Variants in MTNR1B observed in about 807,000 individuals in gnomAD.
The protein encoded by MTNR1B is melatonin receptor 1B.
A neutral mutation model predicts 7.0 loss-of-function variants in MTNR1B; 7 were observed. The observed-to-expected ratio is 1.00, with a 90% CI of 0.57 to 1.88. MTNR1B has a LOEUF of 1.88. Ranked by LOEUF, MTNR1B falls within the 40% of genes most tolerant of loss-of-function variation. The probability of loss-of-function intolerance (pLI) is 0.00; values close to 1 mark genes in which losing one functional copy is unlikely to be tolerated. For missense variants in MTNR1B, 478 were observed against 486.5 expected (o/e 0.98, Z 0.16); for synonymous variants, 226 against 208.2 (o/e 1.09, Z -0.74).
Position 92,982,159 on chromosome 11 carries a change from C to T in MTNR1B, c.936C>T (p.Asn312=), listed in dbSNP as rs772999415. The change falls in exon 2 of 2, where the codon AAC becomes AAT. Residue 312 remains asparagine (N), a synonymous_variant. Transcript: ENST00000257068. ...CLNAIVYGLL[N]QNFRREYKRI... ...ATGCCATTGTCTATGGGCTCTTGAACCAAAACTTCCGCAGGGAATACAAGA... is the reference window on the plus strand; with the variant it reads ...ATGCCATTGTCTATGGGCTCTTGAATCAAAACTTCCGCAGGGAATACAAGA... 5.0e-6 allele frequency: 8 copies of T among 1,614,088 alleles called. No homozygotes were observed. The highest frequency in any genetic ancestry group is 2.2e-5 in the South Asian group (2 of 91,088).
chr11:92,979,772 A>G (rs1381758258), intron 1 of MTNR1B, among the ~76,000 whole-genome samples: 2 of 152,178 alleles, frequency 1.3e-5, no homozygotes, highest in African/African-American at 4.8e-5. Context: ...CATTCCTCTG[A>G]GGTCAAAATA....
chr11:92,981,000 G>A (rs977905552), intron 1 of MTNR1B, among the ~76,000 whole-genome samples: 5 of 152,196 alleles, frequency 3.3e-5, no homozygotes, highest in Non-Finnish European at 7.4e-5. Flanking sequence ...TGTGCGAGGA[G>A]GTGAGGGAAT....
At chr11:92,981,423 C>T (rs1282097904) in intron 1 of MTNR1B, 24 bp from the exon 2 acceptor site, 3 of 1,603,280 alleles carry the variant, frequency 1.9e-6, no homozygotes, top group African/African-American at 1.3e-5. Context: ...CTCGTGCTGA[C>T]TGTTGCTCTG....
chr11:92,972,838 C>T (rs1857953813), intron 1 of MTNR1B, among the ~76,000 whole-genome samples: 1 of 152,180 alleles, frequency 6.6e-6, no homozygotes, highest in Non-Finnish European at 1.5e-5. Context: ...TGGAAACTTC[C>T]TCCATGTTAC....
chr11:92,981,321 C>A, intron 1 of MTNR1B, 126 bp from the exon 2 acceptor site: 1 of 1,324,642 alleles, frequency 7.5e-7, no homozygotes, highest in Non-Finnish European at 1.0e-6. Context: ...GTCTTCAGTT[C>A]TGTGCCTCTA....
rs752378582 is a variant in MTNR1B at position 92,982,245 on chromosome 11, A to G, written c.1022A>G (p.His341Arg). 1.2e-6 allele frequency: 2 copies of G among 1,614,200 alleles called. No homozygotes were observed. Among genetic ancestry groups the G allele is most frequent in the East Asian group, 4.5e-5 (2 of 44,880 alleles). The change falls in exon 2 of 2, where the codon CAC becomes CGC. Residue 341 changes from histidine (H) to arginine (R), a missense_variant. By Grantham distance (29) the His-to-Arg change is conservative. Coordinates refer to ENST00000257068, the MANE Select transcript of MTNR1B (RefSeq NM_005959.5). Reference protein sequence around the residue: ...HCIQDASKGSHAEGLQSPAPP... With the variant: ...HCIQDASKGSRAEGLQSPAPP... ...ATTCAAGATGCTTCCAAGGGCAGCC[A>G]CGCGGAGGGGCTGCAGAGCCCAGCT...
At position 92,981,508 on chromosome 11, in the gene MTNR1B, G is replaced by A. The variant is rs373846496; in HGVS notation, c.285G>A (p.Pro95=). 167 of 1,614,116 alleles carry A rather than the reference G, an allele frequency of 1.0e-4. 2 individuals carry two copies. In the South Asian group the frequency reaches 1.4e-3, roughly 14 times the overall value. ...ADLVVAFYPY[P]LILVAIFYDG... The stretch of plus-strand genomic sequence containing the variant: ...TGGTGGTGGCCTTCTACCCCTACCC[G>A]CTAATCCTCGTGGCCATCTTCTATG... Residue 95 remains proline, a synonymous_variant, in exon 2 of 2, where the codon CCG becomes CCA. Transcript: ENST00000257068.
intron 1 of MTNR1B, among the ~76,000 whole-genome samples, chr11:92,977,260 G>A (rs998754101): frequency 1.3e-5 from 2 of 152,068 alleles, no homozygotes; most frequent in Non-Finnish European, 2.9e-5. Context: ...CACATCCTAA[G>A]ATTTTCATAA....
In MTNR1B at chr11:92,981,686, T is replaced by C; in HGVS notation, c.463T>C (p.Trp155Arg). The change falls in exon 2 of 2, where the codon TGG becomes CGG. Residue 155 changes from tryptophan (W) to arginine (R), a missense_variant. Physicochemically the swap from Trp to Arg is moderately radical, Grantham distance 101. Coordinates refer to ENST00000257068, the MANE Select transcript of MTNR1B (RefSeq NM_005959.5). Reference sequence around the variant, plus strand: ...GGCCTACCACCGAATCTACCGGCGCTGGCACACCCCTCTGCACATCTGCCT... The same window carrying C: ...GGCCTACCACCGAATCTACCGGCGCCGGCACACCCCTCTGCACATCTGCCT... The part of the protein sequence containing the change: ...SMAYHRIYRR[W>R]HTPLHICLIW... 1 of 1,614,234 alleles carries C rather than the reference T, an allele frequency of 6.2e-7. No individual in the cohort carries two copies. Among genetic ancestry groups the C allele is most frequent in the Non-Finnish European group, 8.5e-7 (1 of 1,180,042 alleles).
chr11:92,972,261 A>G (rs1219369699), intron 1 of MTNR1B, among the ~76,000 whole-genome samples: 1 of 152,238 alleles, frequency 6.6e-6, no homozygotes, highest in African/African-American at 2.4e-5. Context: ...TAAGTCTGTA[A>G]CAATGAGAAT....
At chr11:92,978,163 G>T (rs1181030670) in intron 1 of MTNR1B, among the ~76,000 whole-genome samples, 2 of 152,142 alleles carry the variant, frequency 1.3e-5, no homozygotes, top group African/African-American at 4.8e-5. Context: ...GGGGGCAAGG[G>T]TTACAGGGAG....
At chr11:92,977,699 T>C (rs1858031777) in intron 1 of MTNR1B, among the ~76,000 whole-genome samples, 1 of 152,270 alleles carries the variant, frequency 6.6e-6, no homozygotes, top group South Asian at 2.1e-4. Context: ...GAATGGCTAC[T>C]GTTTTCTTTT....
At chr11:92,971,020 C>T (rs1226677096) in intron 1 of MTNR1B, among the ~76,000 whole-genome samples, 1 of 151,844 alleles carries the variant, frequency 6.6e-6, no homozygotes, top group African/African-American at 2.4e-5. Context: ...AGTGCAGTGG[C>T]ATGGTCTAGG....
chr11:92,981,019 G>A (rs1319150818), intron 1 of MTNR1B, among the ~76,000 whole-genome samples: 3 of 152,166 alleles, frequency 2.0e-5, no homozygotes, highest in East Asian at 1.9e-4. Flanking sequence ...ATGTGAGGGA[G>A]CGATGATAGT....
chr11:92,976,391 C>A (rs562997884), intron 1 of MTNR1B, among the ~76,000 whole-genome samples: 2 of 152,300 alleles, frequency 1.3e-5, no homozygotes, highest in East Asian at 1.9e-4. Context: ...CCCAGTCCAA[C>A]CTTATGAGCC....
intron 1 of MTNR1B, chr11:92,972,519 C>A (rs545949722): frequency 2.3e-4 from 103 of 455,998 alleles, no homozygotes; most frequent in African/African-American, 1.9e-3. Flanking sequence ...AGAGATAGCA[C>A]CAGAGAAAGG....
Position 92,981,680 on chromosome 11 carries a change from C to A in MTNR1B, c.457C>A (p.Arg153=), listed in dbSNP as rs764536870. The change falls in exon 2 of 2, where the codon CGG becomes AGG. Residue 153 remains arginine, a synonymous_variant. Coordinates refer to ENST00000257068, the MANE Select transcript of MTNR1B (RefSeq NM_005959.5). The part of the protein sequence containing the change: ...CHSMAYHRIY[R]RWHTPLHICL... ...CAGCATGGCCTACCACCGAATCTAC[C>A]GGCGCTGGCACACCCCTCTGCACAT... The A allele has an allele frequency of 4.3e-6, 7 of 1,614,208 alleles. No individual in the cohort carries two copies. Among genetic ancestry groups the A allele is most frequent in the Non-Finnish European group, 5.9e-6 (7 of 1,180,022 alleles).
chr11:92,972,873 C>T (rs539541185), intron 1 of MTNR1B, among the ~76,000 whole-genome samples: 1 of 152,312 alleles, frequency 6.6e-6, no homozygotes, highest in South Asian at 2.1e-4. Flanking sequence ...CACAAAGTCT[C>T]CTGTTTTAAA....
At chr11:92,975,089 T>C (rs2136512008) in intron 1 of MTNR1B, among the ~76,000 whole-genome samples, 1 of 152,340 alleles carries the variant, frequency 6.6e-6, no homozygotes, top group South Asian at 2.1e-4. Context: ...AGCCCCTTTC[T>C]TGGTCTGGCC....
Sources: gnomAD v4.1 joint callset for allele counts (sites outside exome capture counted in the v4.1 genomes callset) on GRCh38, gnomAD v4.1.1 for gene constraint, MANE v1.5 for transcripts, NCBI Gene and HGNC (gene_info 2026-07-23, HGNC 2026-07-21) for gene names.